The following RTTN variants were observed in gnomAD, a reference collection of about 807,000 sequenced individuals.
RTTN encodes rotatin.
In RTTN, 182 loss-of-function variants were observed where a neutral mutation model predicts 269.2. The ratio of observed to expected loss-of-function variants is 0.68; its 90% CI spans 0.60 to 0.76. RTTN has a LOEUF of 0.76. Ranked by LOEUF, RTTN falls within the 30% of genes least tolerant of loss-of-function variation. The pLI, the probability that RTTN is intolerant of heterozygous loss-of-function variation, is 0.00. For missense variants in RTTN, 2,545 were observed against 2,608.6 expected, an observed-to-expected ratio of 0.98 and a Z score of 0.53; for synonymous variants, 1,006 against 963.5, an observed-to-expected ratio of 1.04 and a Z score of -0.82.
intron 28 of RTTN, among the ~76,000 whole-genome samples, chr18:70,100,807 T>A (rs142817514): frequency 0.019 from 2,961 of 152,248 alleles, 98 homozygotes; most frequent in African/African-American, 0.066. Flanking sequence ...ATTTTGTCAA[T>A]GGCCTTTTCT....
intron 40 of RTTN, among the ~76,000 whole-genome samples, chr18:70,043,446 G>A (rs1407586902): frequency 6.6e-6 from 1 of 151,286 alleles, no homozygotes; most frequent in South Asian, 2.1e-4. Context: ...GGTGAGGCAT[G>A]AAAAAAAAGC....
At chr18:70,118,293 A>G (rs977591605) in intron 26 of RTTN, among the ~76,000 whole-genome samples, 12 of 152,100 alleles carry the variant, frequency 7.9e-5, no homozygotes, top group Non-Finnish European at 1.8e-4. Context: ...ACAGAAACAC[A>G]AGGAATCGTA....
At chr18:70,153,621 T>G (rs2060598066) in intron 14 of RTTN, among the ~76,000 whole-genome samples, 1 of 152,202 alleles carries the variant, frequency 6.6e-6, no homozygotes, top group Non-Finnish European at 1.5e-5. Context: ...ACCTCCACAT[T>G]ACTAGCACGC....
intron 40 of RTTN, among the ~76,000 whole-genome samples, chr18:70,033,048 G>A (rs897677039): frequency 6.6e-6 from 1 of 152,198 alleles, no homozygotes; most frequent in African/African-American, 2.4e-5. Flanking sequence ...TGGATCATTG[G>A]GGTAGATCCT....
At chr18:70,006,312 T>G in intron 47 of RTTN, 69 bp downstream of exon 47, 3 of 1,069,938 alleles carry the variant, frequency 2.8e-6, no homozygotes, top group Admixed American at 1.8e-5. Flanking sequence ...GGATGTATCC[T>G]AAGAGTTTAT....
At chr18:70,135,665 A>G (rs1217548932) in intron 21 of RTTN, among the ~76,000 whole-genome samples, 2 of 152,170 alleles carry the variant, frequency 1.3e-5, no homozygotes, top group Non-Finnish European at 2.9e-5. Flanking sequence ...TTCTAGCTAA[A>G]GTTTCCTCAC....
intron 45 of RTTN, among the ~76,000 whole-genome samples, chr18:70,018,348 A>G (rs1018156263): frequency 6.6e-6 from 1 of 152,214 alleles, no homozygotes; most frequent in African/African-American, 2.4e-5. Context: ...ATAATAAATT[A>G]TTGCTTAGAC....
At position 70,094,789 on chromosome 18, in the gene RTTN, G is replaced by A. The variant is rs1382143029; in HGVS notation, c.3904-1985C>T. 2.6e-5 allele frequency among the ~76,000 whole-genome samples: 4 copies of A among 151,874 alleles called. No individual in the cohort carries two copies. The East Asian group carries it at 7.7e-4, about 29-fold the overall frequency. ...ATTTGGGGTGGAGAGTTCTGTAGAT[G>A]TCTATTAGGTCCGCTTGGTCCAGAG... On this transcript the variant is annotated intron_variant, in intron 28 of 48. Coordinates refer to ENST00000640769, the MANE Select transcript of RTTN (RefSeq NM_173630.4).
At chr18:70,027,645 A>G (rs1351890647) in intron 43 of RTTN, among the ~76,000 whole-genome samples, 1 of 152,220 alleles carries the variant, frequency 6.6e-6, no homozygotes, top group African/African-American at 2.4e-5. Context: ...TTAAATTTAC[A>G]CACAAATACT....
rs2058707618 is a variant in RTTN, at chr18:70,086,693, GTAAAAAAAAAAAAAA to G, written c.4303-24_4303-10del. ...TGAAGAATAAATGCCGCCTGAAAAT[GTAAAAAAAAAAAAAA>G]AAAAAAAAAAAAAAAAAAAAAAAAA... On this transcript the variant is annotated splice_polypyrimidine_tract_variant and intron_variant, in intron 31 of 48. Coordinates refer to ENST00000640769, the MANE Select transcript of RTTN (RefSeq NM_173630.4). 1 of 132,026 alleles carries G rather than the reference GTAAAAAAAAAAAAAA, an allele frequency of 7.6e-6. No homozygotes were observed. Among genetic ancestry groups the G allele is most frequent in the Non-Finnish European group, 1.4e-5 (1 of 72,062 alleles). The allele number at this position is 132,026 out of a possible 1,614,324, so 8.2% of individuals were successfully genotyped here.
rs1460429760 is a variant in RTTN, at chr18:70,166,619, GATAA to G, written c.1802+296_1802+299del. 1.8e-4 allele frequency: 42 copies of G among 227,710 alleles called. 1 individual carries two copies. Among genetic ancestry groups the G allele is most frequent in the Non-Finnish European group, 3.2e-4 (38 of 118,970 alleles). 14.1% of individuals were successfully genotyped at this position (227,710 alleles called of 1,614,324 possible). The stretch of plus-strand genomic sequence containing the variant: ...TTAAGTTATTAATTAAAACTTTAAA[GATAA>G]ATAAACAATGTGTGTGAATAGTCTG... On this transcript the variant is annotated intron_variant, in intron 13 of 48. Coordinates refer to ENST00000640769, the MANE Select transcript of RTTN (RefSeq NM_173630.4).
intron 21 of RTTN, among the ~76,000 whole-genome samples, chr18:70,136,453 G>GA (rs2060127242): frequency 6.6e-6 from 1 of 151,498 alleles, no homozygotes; most frequent in Non-Finnish European, 1.5e-5. Flanking sequence ...AAAGTTGAGA[G>GA]AAAATATTAA....
chr18:70,198,338 C>T (rs2061863182), intron 5 of RTTN, among the ~76,000 whole-genome samples: 1 of 152,190 alleles, frequency 6.6e-6, no homozygotes, highest in Admixed American at 6.5e-5. Context: ...TACAGGCATG[C>T]ATTAGAAATT....
At chr18:70,127,885 C>A in intron 24 of RTTN, 144 bp from the exon 25 acceptor site, 1 of 720,644 alleles carries the variant, frequency 1.4e-6, no homozygotes, top group Non-Finnish European at 2.2e-6. Flanking sequence ...AGAAGAAAAA[C>A]TGATACATAT....
At position 70,051,522 on chromosome 18, in the gene RTTN, G is replaced by A. The variant is rs35068710; in HGVS notation, c.5212C>T (p.His1738Tyr). The part of the protein sequence containing the change: ...LDKELISAFY[H>Y]TWTHLFNLLA... ...AGATTAAATAAATGTGTCCATGTGT[G>A]ATAAAAAGCTGATATTAACTCTTTA... Residue 1738 changes from histidine to tyrosine, a missense_variant, in exon 39 of 49, where the codon CAC becomes TAC. His to Tyr is a moderately conservative substitution (Grantham distance 83). Coordinates refer to ENST00000640769, the MANE Select transcript of RTTN (RefSeq NM_173630.4). 3.9e-4 allele frequency: 631 copies of A among 1,606,228 alleles called. 2 individuals carry two copies. The African/African-American group carries it at 7.1e-3, about 18-fold the overall frequency.
At chr18:70,155,531 T>A (rs540332183) in intron 14 of RTTN, among the ~76,000 whole-genome samples, 10 of 152,352 alleles carry the variant, frequency 6.6e-5, no homozygotes, top group Admixed American at 5.2e-4. Context: ...GCAACAGGCA[T>A]GGAGCAGCCC....
At position 70,205,661 on chromosome 18, in the gene RTTN, C is replaced by G. The variant is rs771641844; in HGVS notation, c.-3G>C. On this transcript the variant is annotated 5_prime_UTR_variant, in exon 1 of 49. Transcript: ENST00000640769. The stretch of plus-strand genomic sequence containing the variant: ...CTGATGAGCCCTGCCAGGACCATCT[C>G]GTCCCGTCAATCTGCAGCCGCCGGA... The G allele has an allele frequency of 5.6e-6, 9 of 1,613,994 alleles. No homozygotes were observed. Among genetic ancestry groups the G allele is most frequent in the Non-Finnish European group, 7.6e-6 (9 of 1,180,022 alleles).
chr18:70,074,178 G>C (rs530916696), intron 33 of RTTN, among the ~76,000 whole-genome samples, 184 bp from the exon 34 acceptor site: 39 of 150,636 alleles, frequency 2.6e-4, no homozygotes, highest in Non-Finnish European at 4.6e-4. Flanking sequence ...TTTTTTTAAT[G>C]TGCATAAGAA....
intron 4 of RTTN, 27 bp downstream of exon 4, chr18:70,201,867 A>G: frequency 7.1e-7 from 1 of 1,407,952 alleles, no homozygotes; most frequent in Non-Finnish European, 9.9e-7. Flanking sequence ...CCAAGTCAAC[A>G]GGATTTACTT....
Sources: allele counts gnomAD v4.1 joint callset (sites outside exome capture counted in the v4.1 genomes callset), GRCh38; gene constraint gnomAD v4.1.1; transcripts MANE v1.5; gene names NCBI Gene and HGNC (gene_info 2026-07-23, HGNC 2026-07-21).